BRIP1: variants seen among roughly 807,000 people sequenced by gnomAD.
The protein encoded by BRIP1 is BRCA1 interacting DNA helicase 1.
In BRIP1, 88 loss-of-function variants were observed where a neutral mutation model predicts 119.7. The observed-to-expected ratio is 0.74, with a 90% CI of 0.62 to 0.88. BRIP1 has a LOEUF of 0.88. BRIP1 is among the 40% of genes least tolerant of loss of function. The probability of loss-of-function intolerance (pLI) is 0.00; values close to 1 mark genes in which losing one functional copy is unlikely to be tolerated. For missense variants in BRIP1, 1,259 were observed against 1,455.4 expected, an observed-to-expected ratio of 0.87 and a Z score of 2.20; for synonymous variants, 443 against 496.5, an observed-to-expected ratio of 0.89 and a Z score of 1.43.
rs190432950 is a variant in BRIP1 at position 61,841,254 on chromosome 17, A to G, written c.627+5847T>C. Among the ~76,000 whole-genome samples the G allele has an allele frequency of 1.6e-3, 247 of 152,294 alleles. 1 individual carries two copies. The highest frequency in any genetic ancestry group is 2.7e-3 in the East Asian group (14 of 5,184). On this transcript the variant is annotated intron_variant, in intron 6 of 19. Coordinates refer to ENST00000259008, the MANE Select transcript of BRIP1 (RefSeq NM_032043.3). This position sits in a 1 kb window ranked among gnomAD's most constrained non-coding sequence, Gnocchi z 4.1. ...CTAAAAAGCTTCTGCACAGCAAAGG[A>G]AACAACAGAGTATAGAGACAACCTG...
chr17:61,782,652 TCAA>T (rs1259049721), intron 11 of BRIP1, among the ~76,000 whole-genome samples: 8 of 151,894 alleles, frequency 5.3e-5, no homozygotes, highest in East Asian at 3.9e-4. Context: ...TAACTACAGC[TCAA>T]CAACAACAAC....
intron 11 of BRIP1, among the ~76,000 whole-genome samples, chr17:61,782,024 T>A (rs1466962042): frequency 6.6e-6 from 1 of 151,848 alleles, no homozygotes; most frequent in African/African-American, 2.4e-5. Flanking sequence ...AAAATTAAAG[T>A]TGGGAACTTA....
chr17:61,846,951 A>C lies in BRIP1; in HGVS notation c.627+150T>G. 1.2e-6 allele frequency: 1 copy of C among 845,870 alleles called. No individual in the cohort carries two copies. Among genetic ancestry groups the C allele is most frequent in the Non-Finnish European group, 1.9e-6 (1 of 532,268 alleles). 52.4% of individuals were successfully genotyped at this position (845,870 alleles called of 1,614,324 possible). A position where few individuals can be genotyped will look rare whatever the true frequency, so the allele number is the denominator to read the frequency against. Reference sequence around the variant, plus strand: ...GAGAATAGGCTTTGCCATCTCACACATTAGTAACAGAGATGTGACAGCATT... The same window carrying C: ...GAGAATAGGCTTTGCCATCTCACACCTTAGTAACAGAGATGTGACAGCATT... On this transcript the variant is annotated intron_variant, in intron 6 of 19. Coordinates refer to ENST00000259008, the MANE Select transcript of BRIP1 (RefSeq NM_032043.3). The surrounding 1 kb of genome is among the most constrained non-coding windows in gnomAD (Gnocchi z 4.3).
intron 9 of BRIP1, among the ~76,000 whole-genome samples, chr17:61,797,693 G>A (rs1479474646): frequency 1.3e-5 from 2 of 151,938 alleles, no homozygotes; most frequent in Admixed American, 6.6e-5. Flanking sequence ...TGCAGGCAAA[G>A]ATTTTAATTC....
chr17:61,830,616 T>G (rs914196946), intron 6 of BRIP1, among the ~76,000 whole-genome samples: 17 of 152,168 alleles, frequency 1.1e-4, no homozygotes, highest in Admixed American at 1.0e-3. Context: ...TAAAACTGAC[T>G]CAGAAACAGA....
chr17:61,834,179 C>T lies in BRIP1; in HGVS notation c.627+12922G>A, dbSNP rs1248399438. 2.0e-5 allele frequency among the ~76,000 whole-genome samples: 3 copies of T among 151,942 alleles called. No homozygotes were observed. Among genetic ancestry groups the T allele is most frequent in the Non-Finnish European group, 4.4e-5 (3 of 68,012 alleles). On this transcript the variant is annotated intron_variant, in intron 6 of 19. Transcript: ENST00000259008. This position sits in a 1 kb window ranked among gnomAD's most constrained non-coding sequence, Gnocchi z 4.4. ...TAGACCTGCTAAATTTTACTATGAC[C>T]GTGATATATTAGGTGAAAAATAAAA...
In BRIP1 at chr17:61,680,670, G is replaced by A. The variant is rs1316422536; in HGVS notation, c.*2626C>T. ...AATTTTTTGTATTTTTAGTAGAGAC[G>A]GGGTTTCACCGTGTTAACCAGGATG... On this transcript the variant is annotated 3_prime_UTR_variant, in exon 20 of 20. Coordinates refer to ENST00000259008, the MANE Select transcript of BRIP1 (RefSeq NM_032043.3). Among the ~76,000 whole-genome samples, 1 of 151,564 alleles carries A rather than the reference G, an allele frequency of 6.6e-6. No homozygotes were observed. The highest frequency in any genetic ancestry group is 1.5e-5 in the Non-Finnish European group (1 of 67,892).
rs1282370306 is a variant in BRIP1, at chr17:61,842,297, G to A, written c.627+4804C>T. Among the ~76,000 whole-genome samples, 1 of 152,012 alleles carries A rather than the reference G, an allele frequency of 6.6e-6. No individual in the cohort carries two copies. The highest frequency in any genetic ancestry group is 1.9e-4 in the East Asian group (1 of 5,188). ...TTAGGAAGGGGTGAGGGGAGGGGAG[G>A]ATAAGGAGAGGTGGGTTTACAAATT... On this transcript the variant is annotated intron_variant, in intron 6 of 19. Transcript: ENST00000259008. This position sits in a 1 kb window ranked among gnomAD's most constrained non-coding sequence, Gnocchi z 5.1.
rs775998436 is a variant in BRIP1 at position 61,862,729 on chromosome 17, T to A, written c.-31+555A>T. Among the ~76,000 whole-genome samples the A allele has an allele frequency of 9.2e-5, 14 of 152,226 alleles. No individual in the cohort carries two copies. Among genetic ancestry groups the A allele is most frequent in the Admixed American group, 3.3e-4 (5 of 15,296 alleles). Reference sequence around the variant, plus strand: ...AATTATTTGCAGTCGTGGGAAAAAATTGTAAATTCAACCTGGGGACGAAGA... The same window carrying A: ...AATTATTTGCAGTCGTGGGAAAAAAATGTAAATTCAACCTGGGGACGAAGA... On this transcript the variant is annotated intron_variant, in intron 1 of 19. Coordinates refer to ENST00000259008, the MANE Select transcript of BRIP1 (RefSeq NM_032043.3). This position sits in a 1 kb window ranked among gnomAD's most constrained non-coding sequence, Gnocchi z 5.3.
rs1320105094 is a variant in BRIP1, at chr17:61,703,113, G to A, written c.2493-9601C>T. Among the ~76,000 whole-genome samples, 1 of 151,926 alleles carries A rather than the reference G, an allele frequency of 6.6e-6. No homozygotes were observed. The highest frequency in any genetic ancestry group is 1.5e-5 in the Non-Finnish European group (1 of 68,004). ...AGAGTCTCACTCTATTGCCCAGGCT[G>A]AAGTGCAGTGGCACAATCCCAACTC... On this transcript the variant is annotated intron_variant, in intron 17 of 19. Coordinates refer to ENST00000259008, the MANE Select transcript of BRIP1 (RefSeq NM_032043.3). The surrounding 1 kb of genome is among the most constrained non-coding windows in gnomAD (Gnocchi z 5.0).
chr17:61,846,970 C>T lies in BRIP1; in HGVS notation c.627+131G>A. On this transcript the variant is annotated intron_variant, in intron 6 of 19. Transcript: ENST00000259008. The surrounding 1 kb of genome is among the most constrained non-coding windows in gnomAD (Gnocchi z 4.3). Reference sequence around the variant, plus strand: ...TCACACATTAGTAACAGAGATGTGACAGCATTGAGGACTTCTGAGTGGGTT... The same window carrying T: ...TCACACATTAGTAACAGAGATGTGATAGCATTGAGGACTTCTGAGTGGGTT... 1 of 1,002,608 alleles carries T rather than the reference C, an allele frequency of 1.0e-6. No individual in the cohort carries two copies. Among genetic ancestry groups the T allele is most frequent in the African/African-American group, 1.6e-5 (1 of 62,544 alleles). The allele number at this position is 1,002,608 out of a possible 1,614,324, so 62.1% of individuals were successfully genotyped here. A position where few individuals can be genotyped will look rare whatever the true frequency, so the allele number is the denominator to read the frequency against.
At position 61,770,314 on chromosome 17, in the gene BRIP1, A is replaced by C. The variant is rs1339553372; in HGVS notation, c.2097+6087T>G. Among the ~76,000 whole-genome samples the C allele has an allele frequency of 6.6e-6, 1 of 152,214 alleles. No homozygotes were observed. The highest frequency in any genetic ancestry group is 1.5e-5 in the Non-Finnish European group (1 of 68,034). On this transcript the variant is annotated intron_variant, in intron 14 of 19. Coordinates refer to ENST00000259008, the MANE Select transcript of BRIP1 (RefSeq NM_032043.3). The surrounding 1 kb of genome is among the most constrained non-coding windows in gnomAD (Gnocchi z 4.7). Reference sequence around the variant, plus strand: ...CTCCAGTATAACAGCAGAGGATTACAACAGAGAGAGACAGCTGCAAGGCTC... The same window carrying C: ...CTCCAGTATAACAGCAGAGGATTACCACAGAGAGAGACAGCTGCAAGGCTC...
intron 17 of BRIP1, among the ~76,000 whole-genome samples, chr17:61,697,000 A>C (rs1750652922): frequency 6.7e-6 from 1 of 148,658 alleles, no homozygotes; most frequent in Non-Finnish European, 1.5e-5. Context: ...AAAAAAAAAA[A>C]AAAGGGGGGG....
At chr17:61,749,134 T>TA (rs34716903) in intron 14 of BRIP1, among the ~76,000 whole-genome samples, 106,944 of 144,680 alleles carry the variant, frequency 0.74, 39,513 homozygotes, top group East Asian at 0.81. Flanking sequence ...AGACTCTGTC[T>TA]AAAAAAAAAA....
Position 61,768,513 on chromosome 17 carries a change from A to T in BRIP1, c.2097+7888T>A, listed in dbSNP as rs538124205. 9.2e-5 allele frequency among the ~76,000 whole-genome samples: 14 copies of T among 152,188 alleles called. No homozygotes were observed. The highest frequency in any genetic ancestry group is 1.9e-4 in the Non-Finnish European group (13 of 68,036). ...TTATTCATCAAGCATTTATGGAAAG[A>T]TTATTATGTGCAGTTGTGATGCCTT... On this transcript the variant is annotated intron_variant, in intron 14 of 19. Coordinates refer to ENST00000259008, the MANE Select transcript of BRIP1 (RefSeq NM_032043.3). The surrounding 1 kb of genome is among the most constrained non-coding windows in gnomAD (Gnocchi z 5.0).
rs1319253859 is a variant in BRIP1 at position 61,827,307 on chromosome 17, ATAAC to A, written c.628-18554_628-18551del. Among the ~76,000 whole-genome samples the A allele has an allele frequency of 6.6e-6, 1 of 152,190 alleles. No homozygotes were observed. The highest frequency in any genetic ancestry group is 1.5e-5 in the Non-Finnish European group (1 of 68,040). ...TGGGAGCAGGGAGAGGATCAGAAAA[ATAAC>A]TAATGGGTACTAGGCTTAATACCTG... On this transcript the variant is annotated intron_variant, in intron 6 of 19. Transcript: ENST00000259008. This position sits in a 1 kb window ranked among gnomAD's most constrained non-coding sequence, Gnocchi z 5.8.
At position 61,825,317 on chromosome 17, in the gene BRIP1, A is replaced by G. The variant is rs980518384; in HGVS notation, c.628-16560T>C. On this transcript the variant is annotated intron_variant, in intron 6 of 19. Coordinates refer to ENST00000259008, the MANE Select transcript of BRIP1 (RefSeq NM_032043.3). The surrounding 1 kb of genome is among the most constrained non-coding windows in gnomAD (Gnocchi z 4.1). ...AAAAAAAAAGAAAAGAAAAGAAAAGAAAAGGAAGCCCTCTCTCACCACTCT... is the reference window on the plus strand; with the variant it reads ...AAAAAAAAAGAAAAGAAAAGAAAAGGAAAGGAAGCCCTCTCTCACCACTCT... Among the ~76,000 whole-genome samples, 1 of 151,720 alleles carries G rather than the reference A, an allele frequency of 6.6e-6. No homozygotes were observed. Among genetic ancestry groups the G allele is most frequent in the Non-Finnish European group, 1.5e-5 (1 of 67,924 alleles).
chr17:61,847,013 T>C, intron 6 of BRIP1, 88 bp downstream of exon 6: 1 of 1,525,810 alleles, frequency 6.6e-7, no homozygotes. Context: ...TCCTTTGTAT[T>C]ATACTATTGT....
rs1031078066 is a variant in BRIP1, at chr17:61,843,716, T to C, written c.627+3385A>G. 6.6e-6 allele frequency among the ~76,000 whole-genome samples: 1 copy of C among 152,156 alleles called. No individual in the cohort carries two copies. The highest frequency in any genetic ancestry group is 2.4e-5 in the African/African-American group (1 of 41,438). On this transcript the variant is annotated intron_variant, in intron 6 of 19. Transcript: ENST00000259008. The surrounding 1 kb of genome is among the most constrained non-coding windows in gnomAD (Gnocchi z 5.7). The stretch of plus-strand genomic sequence containing the variant: ...TCTTGAGGCCCTCACCAGAAGCAGA[T>C]GCTGACACCATGCTTCCTGCACAGC...
Sources: gnomAD v4.1 joint callset for allele counts (sites outside exome capture counted in the v4.1 genomes callset) on GRCh38, gnomAD v4.1.1 for gene constraint, Gnocchi (gnomAD v3.1) non-coding constraint, MANE v1.5 for transcripts, NCBI Gene and HGNC (gene_info 2026-07-23, HGNC 2026-07-21) for gene names.